FAR2: variants seen among roughly 807,000 people sequenced by gnomAD.
FAR2 encodes the protein fatty acyl-CoA reductase 2, also known as epididymis secretory protein Li 81.
FAR2 carries 19 observed loss-of-function variants against 56.0 expected under a neutral mutation model. The observed-to-expected ratio is 0.34, with a 90% CI of 0.24 to 0.50. The LOEUF is 0.50. Among genes scored for constraint, FAR2 ranks in the 20% least tolerant of loss-of-function variants. FAR2 has a pLI of 0.98. For synonymous variants in FAR2, 219 were observed against 218.8 expected (o/e 1.00, Z -0.01); for missense variants, 508 against 642.2 (o/e 0.79, Z 2.26).
At chr12:29,330,935 T>C (rs533679078) in intron 10 of FAR2, among the ~76,000 whole-genome samples, 2 of 152,308 alleles carry the variant, frequency 1.3e-5, no homozygotes, top group South Asian at 2.1e-4. Context: ...TAAATTGTTG[T>C]GTAACAAAAA....
At chr12:29,157,965 G>C (rs891800641) in intron 1 of FAR2, among the ~76,000 whole-genome samples, 2 of 152,106 alleles carry the variant, frequency 1.3e-5, no homozygotes, top group African/African-American at 4.8e-5. Flanking sequence ...AAAGATTTTT[G>C]CTTATTATTT....
chr12:29,209,338 A>C (rs190240690), intron 1 of FAR2, among the ~76,000 whole-genome samples: 1 of 152,290 alleles, frequency 6.6e-6, no homozygotes, highest in Admixed American at 6.5e-5. Context: ...ACCTTAGATA[A>C]GATGCATCAG....
intron 1 of FAR2, among the ~76,000 whole-genome samples, chr12:29,229,098 C>T (rs1027749125): frequency 6.6e-6 from 1 of 152,088 alleles, no homozygotes; most frequent in African/African-American, 2.4e-5. Context: ...GTCTTCCCCG[C>T]TGAGTATGGC....
intron 1 of FAR2, among the ~76,000 whole-genome samples, chr12:29,165,992 T>A (rs1330404710): frequency 1.3e-5 from 2 of 152,230 alleles, no homozygotes; most frequent in Non-Finnish European, 2.9e-5. Flanking sequence ...ATTTCTTTCA[T>A]CAAAATTTCA....
At chr12:29,162,075 C>T (rs1377981302) in intron 1 of FAR2, among the ~76,000 whole-genome samples, 1 of 152,070 alleles carries the variant, frequency 6.6e-6, no homozygotes, top group Non-Finnish European at 1.5e-5. Context: ...CTATGCCTGG[C>T]CTTTTTGCTC....
At chr12:29,331,078 A>G (rs567399497) in intron 10 of FAR2, among the ~76,000 whole-genome samples, 4 of 152,264 alleles carry the variant, frequency 2.6e-5, no homozygotes, top group East Asian at 3.9e-4. Context: ...TGTTCTAGGA[A>G]TATCATTTAT....
At position 29,227,878 on chromosome 12, in the gene FAR2, T is replaced by TAA. The variant is rs111448541; in HGVS notation, c.-38-42522_-38-42521dup. ...ATTTCATTGGTATACTTTGCTAAGG[T>TAA]AAAAAAAAAAAAATTGGCTTCCATT... On this transcript the variant is annotated intron_variant, in intron 1 of 11. Transcript: ENST00000536681. Among the ~76,000 whole-genome samples, 1,179 of 147,066 alleles carry TAA rather than the reference T, an allele frequency of 8.0e-3. 7 individuals are homozygous for TAA. The highest frequency in any genetic ancestry group is 0.012 in the Non-Finnish European group (807 of 66,664).
In FAR2 at chr12:29,196,854, T is replaced by C. The variant is rs1432438721; in HGVS notation, c.-39+47447T>C. On this transcript the variant is annotated intron_variant, in intron 1 of 11. Coordinates refer to ENST00000536681, the MANE Select transcript of FAR2 (RefSeq NM_001271783.2). ...AGAATGGGAAAAAGTATTTAAACTA[T>C]GCATGTAACAGGGGACTAATATCTA... Among the ~76,000 whole-genome samples the C allele has an allele frequency of 2.0e-5, 3 of 152,162 alleles. No homozygotes were observed. The East Asian group carries it at 5.8e-4, about 29-fold the overall frequency.
chr12:29,275,073 G>A (rs919772448), intron 2 of FAR2, among the ~76,000 whole-genome samples: 5 of 149,346 alleles, frequency 3.3e-5, no homozygotes, highest in East Asian at 2.1e-4. Flanking sequence ...AATTTCATGC[G>A]CGTCCATGTG....
chr12:29,240,788 T>C (rs1398459752), intron 1 of FAR2, among the ~76,000 whole-genome samples: 1 of 135,862 alleles, frequency 7.4e-6, no homozygotes, highest in Non-Finnish European at 1.6e-5. Context: ...ATTGTGTGTG[T>C]GTGTGTATGT....
In FAR2 at chr12:29,161,781, C is replaced by T. The variant is rs76722141; in HGVS notation, c.-39+12374C>T. Among the ~76,000 whole-genome samples the T allele has an allele frequency of 5.1e-3, 775 of 152,280 alleles. 11 individuals carry two copies. Among genetic ancestry groups the T allele is most frequent in the African/African-American group, 0.017 (727 of 41,554 alleles). Reference sequence around the variant, plus strand: ...AATTTCCCTTGTTCCACATTCTTGTCAACACTTCTTATTTTCTGTCATTTT... The same window carrying T: ...AATTTCCCTTGTTCCACATTCTTGTTAACACTTCTTATTTTCTGTCATTTT... On this transcript the variant is annotated intron_variant, in intron 1 of 11. Transcript: ENST00000536681.
At chr12:29,286,986 G>A (rs996774713) in intron 2 of FAR2, among the ~76,000 whole-genome samples, 1 of 152,194 alleles carries the variant, frequency 6.6e-6, no homozygotes, top group African/African-American at 2.4e-5. Flanking sequence ...ATGACCCAGA[G>A]AGGTAAGTAA....
At position 29,229,892 on chromosome 12, in the gene FAR2, G is replaced by A. The variant is rs115518000; in HGVS notation, c.-38-40520G>A. On this transcript the variant is annotated intron_variant, in intron 1 of 11. Transcript: ENST00000536681. ...ACTGACATCTGAAGGATGACTGGGAGCTGATAAAACACAGAAGAGCTGGAG... is the reference window on the plus strand; with the variant it reads ...ACTGACATCTGAAGGATGACTGGGAACTGATAAAACACAGAAGAGCTGGAG... Among the ~76,000 whole-genome samples the A allele has an allele frequency of 7.6e-3, 1,163 of 152,266 alleles. 13 individuals carry two copies. The highest frequency in any genetic ancestry group is 0.026 in the African/African-American group (1,084 of 41,538).
At position 29,234,227 on chromosome 12, in the gene FAR2, G is replaced by C. The variant is rs547859225; in HGVS notation, c.-38-36185G>C. On this transcript the variant is annotated intron_variant, in intron 1 of 11. Transcript: ENST00000536681. ...CCCAAGCTTGTTGGAATATCTAGTT[G>C]CTTTATTAGATATGCAAAAGCAACA... 8.4e-4 allele frequency among the ~76,000 whole-genome samples: 128 copies of C among 152,220 alleles called. 1 individual carries two copies. The highest frequency in any genetic ancestry group is 3.1e-3 in the African/African-American group (128 of 41,546).
chr12:29,265,596 G>A (rs917266735), intron 1 of FAR2, among the ~76,000 whole-genome samples: 3 of 152,110 alleles, frequency 2.0e-5, no homozygotes, highest in Non-Finnish European at 4.4e-5. Flanking sequence ...ATCAGGGAAA[G>A]TCTCCAGTAC....
intron 1 of FAR2, among the ~76,000 whole-genome samples, chr12:29,217,039 T>G (rs1947629475): frequency 6.6e-6 from 1 of 152,154 alleles, no homozygotes; most frequent in Non-Finnish European, 1.5e-5. Context: ...TAAAAAATAT[T>G]TTGGCTCTTT....
At chr12:29,217,567 A>G (rs1399567687) in intron 1 of FAR2, among the ~76,000 whole-genome samples, 1 of 152,082 alleles carries the variant, frequency 6.6e-6, no homozygotes, top group Non-Finnish European at 1.5e-5. Flanking sequence ...GACACATCTC[A>G]TCCTAAAGAT....
intron 1 of FAR2, among the ~76,000 whole-genome samples, chr12:29,192,397 G>A (rs1950110213): frequency 6.6e-6 from 1 of 152,190 alleles, no homozygotes; most frequent in African/African-American, 2.4e-5. Context: ...GACTACCTTG[G>A]AAAGGAAAGA....
intron 1 of FAR2, among the ~76,000 whole-genome samples, chr12:29,160,643 A>C (rs1949774363): frequency 6.6e-6 from 1 of 152,146 alleles, no homozygotes; most frequent in East Asian, 1.9e-4. Context: ...ACAGTTTTGG[A>C]GGCTAGATGT....
Sources: gnomAD v4.1 joint callset for allele counts (sites outside exome capture counted in the v4.1 genomes callset) on GRCh38, gnomAD v4.1.1 for gene constraint, MANE v1.5 for transcripts, NCBI Gene and HGNC (gene_info 2026-07-23, HGNC 2026-07-21) for gene names.